The following TRPM3 variants were observed in gnomAD, a reference collection of about 807,000 sequenced individuals.
TRPM3 encodes the protein long transient receptor potential channel 3.
TRPM3 carries 77 observed loss-of-function variants against 181.2 expected under a neutral mutation model. The observed-to-expected ratio is 0.42, with a 90% confidence interval of 0.35 to 0.51. TRPM3 has a LOEUF of 0.51. Among genes scored for constraint, TRPM3 ranks in the 20% least tolerant of loss-of-function variants. TRPM3 has a pLI of 0.01. For missense variants in TRPM3, 1,759 were observed against 2,196.7 expected (o/e 0.80, Z 3.98); for synonymous variants, 745 against 796.4 (o/e 0.94, Z 1.09).
At chr9:70,905,180 C>T (rs1190083048) in intron 1 of TRPM3, among the ~76,000 whole-genome samples, 1 of 152,156 alleles carries the variant, frequency 6.6e-6, no homozygotes, top group Non-Finnish European at 1.5e-5. Flanking sequence ...CAAACCTATG[C>T]CTTTTATAGC....
chr9:71,206,420 T>A (rs2131767761), intron 1 of TRPM3, among the ~76,000 whole-genome samples: 1 of 152,334 alleles, frequency 6.6e-6, no homozygotes, highest in Middle Eastern at 3.4e-3. Context: ...TTCATATCCT[T>A]CACCCACTTT....
chr9:70,668,672 G>GAAAAAAAAAAAAAAAAAAAAAAAAAAAAA (rs57929544), intron 9 of TRPM3, among the ~76,000 whole-genome samples: 3 of 86,514 alleles, frequency 3.5e-5, no homozygotes, highest in African/African-American at 4.4e-5. Context: ...CTCAAAAAAA[G>GAAAAAAAAAAAAAAAAAAAAAAAAAAAAA]AAAAAAAAAA....
intron 1 of TRPM3, among the ~76,000 whole-genome samples, chr9:70,892,721 GT>G (rs2096227946): frequency 6.6e-6 from 1 of 152,022 alleles, no homozygotes; most frequent in South Asian, 2.1e-4. Flanking sequence ...TAGCTCAAGA[GT>G]TTTCAATTAA....
intron 1 of TRPM3, among the ~76,000 whole-genome samples, chr9:71,348,804 C>T (rs1470916677): frequency 1.3e-5 from 2 of 152,024 alleles, no homozygotes; most frequent in Non-Finnish European, 2.9e-5. Flanking sequence ...CTCCCGGCCT[C>T]AAATGAGCCA....
At chr9:70,760,493 C>T (rs1285849681) in intron 8 of TRPM3, among the ~76,000 whole-genome samples, 1 of 149,572 alleles carries the variant, frequency 6.7e-6, no homozygotes, top group African/African-American at 2.5e-5. Flanking sequence ...GACCGTGTGC[C>T]CCACCCGCTC....
chr9:70,918,812 A>T (rs1179407891), intron 1 of TRPM3, among the ~76,000 whole-genome samples: 1 of 152,186 alleles, frequency 6.6e-6, no homozygotes, highest in African/African-American at 2.4e-5. Flanking sequence ...ACAAAAGATC[A>T]ATGGAATAGA....
intron 1 of TRPM3, among the ~76,000 whole-genome samples, chr9:71,346,962 C>A (rs2091334734): frequency 6.6e-6 from 1 of 152,152 alleles, no homozygotes; most frequent in African/African-American, 2.4e-5. Context: ...TATGAGTGAA[C>A]TCTGATGAGA....
chr9:71,382,357 A>T (rs1257957148), intron 1 of TRPM3, among the ~76,000 whole-genome samples: 1 of 152,182 alleles, frequency 6.6e-6, no homozygotes, highest in Non-Finnish European at 1.5e-5. Context: ...TTTCATGCTA[A>T]GTAAAATTTT....
At position 70,537,368 on chromosome 9, in the gene TRPM3, CGTT is replaced by C; in HGVS notation, c.3742_3744del (p.Asn1248del). ...GAAGCCTTCATGGAGTGCTCTCTCTCGTTGACTTCCTCCAGCCGCATAGACATG... is the reference window on the plus strand; with the variant it reads ...GAAGCCTTCATGGAGTGCTCTCTCTCGACTTCCTCCAGCCGCATAGACATG... On this transcript the variant is annotated inframe_deletion, in exon 26 of 26. Transcript: ENST00000677713. 6.7e-7 allele frequency: 1 copy of C among 1,491,520 alleles called. No homozygotes were observed. Among genetic ancestry groups the C allele is most frequent in the South Asian group, 1.4e-5 (1 of 70,948 alleles). 92.4% of individuals were successfully genotyped at this position (1,491,520 alleles called of 1,614,324 possible). A position where few individuals can be genotyped will look rare whatever the true frequency, so the allele number is the denominator to read the frequency against.
intron 1 of TRPM3, among the ~76,000 whole-genome samples, chr9:71,169,985 A>G (rs1320651664): frequency 8.1e-6 from 1 of 122,738 alleles, no homozygotes; most frequent in Admixed American, 9.2e-5. Flanking sequence ...TGGGTGACAG[A>G]GTGAGACTCT....
intron 1 of TRPM3, among the ~76,000 whole-genome samples, chr9:71,334,739 T>C (rs2090439700): frequency 6.6e-6 from 1 of 152,152 alleles, no homozygotes; most frequent in Non-Finnish European, 1.5e-5. Context: ...TTCCATTTAG[T>C]TATGAAATCT....
At chr9:70,804,719 T>C (rs1359248774) in intron 6 of TRPM3, among the ~76,000 whole-genome samples, 4 of 151,976 alleles carry the variant, frequency 2.6e-5, no homozygotes, top group Admixed American at 2.6e-4. Flanking sequence ...CCTTCTCTTC[T>C]CCCCTTGTCT....
intron 1 of TRPM3, among the ~76,000 whole-genome samples, chr9:71,004,943 T>C (rs962925460): frequency 2.6e-5 from 4 of 151,926 alleles, no homozygotes; most frequent in Admixed American, 2.0e-4. Context: ...TAAAAATGAA[T>C]AAAAAAGAAG....
chr9:71,328,822 C>G (rs1479820175), intron 1 of TRPM3, among the ~76,000 whole-genome samples: 1 of 152,228 alleles, frequency 6.6e-6, no homozygotes, highest in Non-Finnish European at 1.5e-5. Flanking sequence ...TGCATTATAG[C>G]ACAAGTCCCA....
At position 70,812,900 on chromosome 9, in the gene TRPM3, T is replaced by C. The variant is rs181202487; in HGVS notation, c.973+14947A>G. 1.1e-3 allele frequency among the ~76,000 whole-genome samples: 172 copies of C among 152,288 alleles called. 1 individual carries two copies. Among genetic ancestry groups the C allele is most frequent in the African/African-American group, 3.9e-3 (162 of 41,558 alleles). Reference sequence around the variant, plus strand: ...AGCAGGTATGTGTTATGTCCGCAAATTGTCTCAATATTTTCTTAATTACCT... The same window carrying C: ...AGCAGGTATGTGTTATGTCCGCAAACTGTCTCAATATTTTCTTAATTACCT... On this transcript the variant is annotated intron_variant, in intron 6 of 25. Coordinates refer to ENST00000677713, the MANE Select transcript of TRPM3 (RefSeq NM_001366145.2).
At chr9:70,967,264 A>G (rs1176404022) in intron 1 of TRPM3, among the ~76,000 whole-genome samples, 1 of 152,102 alleles carries the variant, frequency 6.6e-6, no homozygotes, top group African/African-American at 2.4e-5. Flanking sequence ...GCTAAGAAAG[A>G]TCAGAGAACA....
intron 1 of TRPM3, among the ~76,000 whole-genome samples, chr9:71,032,470 G>C (rs1426395897): frequency 6.6e-6 from 1 of 151,650 alleles, no homozygotes; most frequent in Non-Finnish European, 1.5e-5. Flanking sequence ...TTTCAAATCT[G>C]TTTTATAACA....
Position 70,661,569 on chromosome 9 carries a change from C to A in TRPM3, c.1345+19937G>T, listed in dbSNP as rs117835395. On this transcript the variant is annotated intron_variant, in intron 9 of 25. Coordinates refer to ENST00000677713, the MANE Select transcript of TRPM3 (RefSeq NM_001366145.2). ...AGACTCATCCAAAAAGCTCCTAGAT[C>A]CAATAAACAAATTCAGTAAAGTCTC... Among the ~76,000 whole-genome samples, 12 of 152,166 alleles carry A rather than the reference C, an allele frequency of 7.9e-5. No individual in the cohort carries two copies. In the East Asian group the frequency reaches 2.3e-3, roughly 29 times the overall value.
chr9:71,111,753 T>C (rs565508816), intron 1 of TRPM3, among the ~76,000 whole-genome samples: 1 of 152,332 alleles, frequency 6.6e-6, no homozygotes, highest in Admixed American at 6.5e-5. Context: ...TGGAAGCCTA[T>C]ATGATAGCTC....
Sources: allele counts gnomAD v4.1 joint callset (sites outside exome capture counted in the v4.1 genomes callset), GRCh38; gene constraint gnomAD v4.1.1; transcripts MANE v1.5; gene names NCBI Gene and HGNC (gene_info 2026-07-23, HGNC 2026-07-21).